The following MS4A12 variants were observed in gnomAD, a reference collection of about 807,000 sequenced individuals.
MS4A12 encodes the protein membrane-spanning 4-domains subfamily A member 12.
In MS4A12, 28 loss-of-function variants were observed where a neutral mutation model predicts 23.7. The ratio of observed to expected loss-of-function variants is 1.18; its 90% CI spans 0.88 to 1.62. The LOEUF is 1.62. MS4A12 is among the 40% of genes most tolerant of loss of function. The pLI is 0.00. For missense variants in MS4A12, 342 were observed against 327.0 expected (o/e 1.05, Z -0.35); for synonymous variants, 108 against 110.1 (o/e 0.98, Z 0.12).
rs777007836 is a variant in MS4A12 at position 60,497,492 on chromosome 11, A to G, written c.174A>G (p.Gly58=). 3 of 1,614,194 alleles carry G rather than the reference A, an allele frequency of 1.9e-6. No homozygotes were observed. The highest frequency in any genetic ancestry group is 2.5e-6 in the Non-Finnish European group (3 of 1,180,020). Residue 58 remains glycine, a synonymous_variant, in exon 2 of 7, where the codon GGA becomes GGG. Transcript: ENST00000016913. ...RAQPYGITSP[G]IFASSQPGQG... The stretch of plus-strand genomic sequence containing the variant: ...AGCCCTACGGCATCACATCTCCGGG[A>G]ATCTTTGCTAGCAGTCAACCGGGTC...
At chr11:60,500,504 T>G (rs1433931108) in intron 2 of MS4A12, among the ~76,000 whole-genome samples, 1 of 152,162 alleles carries the variant, frequency 6.6e-6, no homozygotes, top group Non-Finnish European at 1.5e-5. Flanking sequence ...TGTGTGACCT[T>G]GGATACCTGA....
intron 2 of MS4A12, 98 bp from the exon 3 acceptor site, chr11:60,500,947 C>A (rs954526172): frequency 1.4e-6 from 2 of 1,398,052 alleles, no homozygotes; most frequent in Middle Eastern, 2.4e-4. Context: ...TGGATCTCAG[C>A]AAAATTGACA....
chr11:60,497,251 A>G (rs771305127), intron 1 of MS4A12, 62 bp from the exon 2 acceptor site: 30 of 1,493,642 alleles, frequency 2.0e-5, no homozygotes, highest in Non-Finnish European at 1.5e-5. Context: ...ACATTTGGTA[A>G]GATTTTCTTT....
At chr11:60,500,897 A>G (rs2086525040) in intron 2 of MS4A12, 148 bp from the exon 3 acceptor site, 1 of 862,560 alleles carries the variant, frequency 1.2e-6, no homozygotes, top group African/African-American at 1.7e-5. Context: ...AATCTTCATG[A>G]CCCACCTCCT....
intron 1 of MS4A12, among the ~76,000 whole-genome samples, chr11:60,496,956 CAT>C (rs141136503): frequency 0.016 from 2,472 of 152,272 alleles, 65 homozygotes; most frequent in African/African-American, 0.056. Context: ...ATTAGAGTCT[CAT>C]AAGGAGCATG....
At chr11:60,500,951 A>G in intron 2 of MS4A12, 94 bp from the exon 3 acceptor site, 3 of 1,418,714 alleles carry the variant, frequency 2.1e-6, no homozygotes, top group Non-Finnish European at 2.8e-6. Flanking sequence ...TCTCAGCAAA[A>G]TTGACAATAA....
At chr11:60,494,301 T>C (rs571113092) in intron 1 of MS4A12, among the ~76,000 whole-genome samples, 1 of 152,252 alleles carries the variant, frequency 6.6e-6, no homozygotes, top group East Asian at 1.9e-4. Context: ...ACAGCAGATA[T>C]GAAAGGAGAA....
At chr11:60,505,712 G>A (rs1381278003) in intron 5 of MS4A12, among the ~76,000 whole-genome samples, 1 of 152,160 alleles carries the variant, frequency 6.6e-6, no homozygotes, top group Non-Finnish European at 1.5e-5. Flanking sequence ...AGCTGAGAAG[G>A]CTGGGGTGGA....
Position 60,497,551 on chromosome 11 carries a change from G to A in MS4A12, c.233G>A (p.Gly78Glu), listed in dbSNP as rs780726858. Residue 78 changes from glycine to glutamate, a missense_variant, in exon 2 of 7, where the codon GGA (glycine) becomes GAA (glutamate). By Grantham distance (98) the Gly-to-Glu change is moderately conservative. Transcript: ENST00000016913. ...GNIQMINPSV[G>E]TAVMNFKEEA... ...ATACAAATGATAAATCCAAGTGTGG[G>A]AACAGCAGTAATGAACTTTAAAGAA... is the stretch of plus-strand genomic sequence containing the variant. 2 of 1,614,026 alleles carry A rather than the reference G, an allele frequency of 1.2e-6. No individual in the cohort carries two copies. The highest frequency in any genetic ancestry group is 1.7e-6 in the Non-Finnish European group (2 of 1,179,994).
At chr11:60,500,969 G>C (rs1365777439) in intron 2 of MS4A12, 76 bp from the exon 3 acceptor site, 1 of 1,468,504 alleles carries the variant, frequency 6.8e-7, no homozygotes, top group Non-Finnish European at 9.1e-7. Flanking sequence ...TAAATAAGCA[G>C]GGGCAGCAAT....
intron 3 of MS4A12, 107 bp downstream of exon 3, chr11:60,501,289 A>C: frequency 1.6e-6 from 2 of 1,264,572 alleles, no homozygotes; most frequent in Non-Finnish European, 2.1e-6. Flanking sequence ...TTCTTGATAA[A>C]GCCCTACATC....
intron 2 of MS4A12, among the ~76,000 whole-genome samples, chr11:60,499,661 G>T (rs1415511106): frequency 6.6e-6 from 1 of 152,110 alleles, no homozygotes; most frequent in Non-Finnish European, 1.5e-5. Context: ...ATGAAACTGG[G>T]TTTTTTTCTA....
chr11:60,506,259 G>C (rs1015377100), intron 5 of MS4A12, among the ~76,000 whole-genome samples: 9 of 152,198 alleles, frequency 5.9e-5, no homozygotes, highest in African/African-American at 1.7e-4. Flanking sequence ...CCTCTCTCTT[G>C]GTTATTCTCT....
rs536803844 is a variant in MS4A12 at position 60,496,797 on chromosome 11, A to G, written c.-6-516A>G. 2.0e-5 allele frequency among the ~76,000 whole-genome samples: 3 copies of G among 152,292 alleles called. No individual in the cohort carries two copies. In the South Asian group the frequency reaches 6.2e-4, roughly 32 times the overall value. On this transcript the variant is annotated intron_variant, in intron 1 of 6. Transcript: ENST00000016913. ...TCCTTCCTGGAGACTCTAGGGAAGA[A>G]TCTGTTTCCTTGTTTCATCCAGCTT...
intron 5 of MS4A12, 88 bp downstream of exon 5, chr11:60,503,905 G>T: frequency 4.5e-6 from 5 of 1,121,192 alleles, no homozygotes; most frequent in Non-Finnish European, 6.5e-6. Context: ...CCGTATACCA[G>T]CTCTAGTGGA....
intron 2 of MS4A12, chr11:60,497,958 T>C (rs2086502508): frequency 5.4e-6 from 1 of 186,124 alleles, no homozygotes. Flanking sequence ...TACATAACAA[T>C]GAACAATGAT....
At chr11:60,502,581 C>G (rs959276537) in intron 4 of MS4A12, among the ~76,000 whole-genome samples, 1 of 152,126 alleles carries the variant, frequency 6.6e-6, no homozygotes, top group African/African-American at 2.4e-5. Context: ...GGACTTTGAG[C>G]TCTGTCGGTC....
At chr11:60,505,326 C>G (rs1446950629) in intron 5 of MS4A12, among the ~76,000 whole-genome samples, 1 of 152,114 alleles carries the variant, frequency 6.6e-6, no homozygotes, top group Non-Finnish European at 1.5e-5. Flanking sequence ...CCCCATAATT[C>G]AATCATCTCC....
At chr11:60,503,380 T>A (rs565163449) in intron 4 of MS4A12, among the ~76,000 whole-genome samples, 2 of 152,212 alleles carry the variant, frequency 1.3e-5, no homozygotes, top group African/African-American at 2.4e-5. Flanking sequence ...AAAATGCTCA[T>A]TAGAAGTTTG....
Sources: gnomAD v4.1 joint callset for allele counts (sites outside exome capture counted in the v4.1 genomes callset) on GRCh38, gnomAD v4.1.1 for gene constraint, MANE v1.5 for transcripts, NCBI Gene and HGNC (gene_info 2026-07-23, HGNC 2026-07-21) for gene names.